STX7: variants seen among roughly 807,000 people sequenced by gnomAD.
STX7 encodes syntaxin 7.
Under a neutral mutation model 39.6 loss-of-function variants are expected in STX7, and 34 were observed. The ratio of observed to expected loss-of-function variants is 0.86; its 90% CI spans 0.65 to 1.14. The LOEUF (loss-of-function observed/expected upper bound fraction) is 1.14, where lower values mean the gene tolerates loss of function less well. Among genes scored for constraint, STX7 ranks in the 50% most tolerant of loss-of-function variants. STX7 has a pLI of 0.00. For missense variants in STX7, 284 were observed against 310.4 expected, an observed-to-expected ratio of 0.92 and a Z score of 0.64; for synonymous variants, 119 against 99.1, an observed-to-expected ratio of 1.20 and a Z score of -1.19.
chr6:132,484,667 G>T (rs1312637340), intron 2 of STX7, among the ~76,000 whole-genome samples: 1 of 152,068 alleles, frequency 6.6e-6, no homozygotes, highest in Non-Finnish European at 1.5e-5. Flanking sequence ...AAAAATAATG[G>T]TTAGTAAAAT....
intron 9 of STX7, among the ~76,000 whole-genome samples, chr6:132,462,498 C>G (rs1354558262): frequency 6.6e-6 from 1 of 151,712 alleles, no homozygotes; most frequent in Admixed American, 6.6e-5. Flanking sequence ...AATAAAATAC[C>G]ATGTGAACCT....
At chr6:132,494,998 C>T (rs1300784582) in intron 2 of STX7, among the ~76,000 whole-genome samples, 1 of 152,110 alleles carries the variant, frequency 6.6e-6, no homozygotes. Context: ...CCGGTAGAAC[C>T]ACTAAGATTT....
intron 2 of STX7, among the ~76,000 whole-genome samples, chr6:132,491,623 A>T (rs1321012402): frequency 1.3e-5 from 2 of 152,062 alleles, no homozygotes; most frequent in Non-Finnish European, 2.9e-5. Flanking sequence ...CGATCCTTCC[A>T]CCATCCTGCT....
At chr6:132,495,824 GGAC>G (rs1775408998) in intron 2 of STX7, among the ~76,000 whole-genome samples, 1 of 152,120 alleles carries the variant, frequency 6.6e-6, no homozygotes, top group East Asian at 1.9e-4. Context: ...AACCTTATGG[GGAC>G]AGGAGCCATG....
At chr6:132,487,081 A>G (rs1562332434) in intron 2 of STX7, among the ~76,000 whole-genome samples, 1 of 152,196 alleles carries the variant, frequency 6.6e-6, no homozygotes, top group Non-Finnish European at 1.5e-5. Context: ...TTAGTTAAAT[A>G]TTTGATAGAT....
Position 132,472,349 on chromosome 6 carries a change from T to C in STX7, c.182A>G (p.Gln61Arg). The C allele has an allele frequency of 6.2e-7, 1 of 1,613,584 alleles. No individual in the cohort carries two copies. Residue 61 changes from glutamine to arginine, a missense_variant, in exon 4 of 10, where the codon CAG becomes CGG. Physicochemically the swap from Gln to Arg is conservative, Grantham distance 43 (BLOSUM62 1). Coordinates refer to ENST00000367941, the MANE Select transcript of STX7 (RefSeq NM_003569.3). ...QLQQKQQYTN[Q>R]LAKETDKYIK... is the part of the protein sequence containing the mutation. ...GTACTTATCTGTTTCTTTGGCAAGC[T>C]GGTTAGTATACTGCTGCTTCTGTTG...
rs576572640 is a variant in STX7, at chr6:132,466,127, T to C, written c.611-2052A>G. Among the ~76,000 whole-genome samples, 96 of 152,368 alleles carry C rather than the reference T, an allele frequency of 6.3e-4. 1 individual carries two copies. The highest frequency in any genetic ancestry group is 2.3e-3 in the African/African-American group (95 of 41,594). On this transcript the variant is annotated intron_variant, in intron 8 of 9. Transcript: ENST00000367941. ...TTCTCTCTTGAGCCTACTTTTATCA[T>C]GCTTTCACCTACACTATTTCACCAA... is the stretch of plus-strand genomic sequence containing the variant.
chr6:132,477,303 G>T (rs571561701), intron 2 of STX7, among the ~76,000 whole-genome samples: 3 of 152,016 alleles, frequency 2.0e-5, no homozygotes, highest in African/African-American at 7.2e-5. Context: ...GCCTTATAGG[G>T]GCTTTATTTT....
At chr6:132,488,961 G>A (rs1394395044) in intron 2 of STX7, among the ~76,000 whole-genome samples, 1 of 152,144 alleles carries the variant, frequency 6.6e-6, no homozygotes, top group African/African-American at 2.4e-5. Flanking sequence ...CAGCACTTTG[G>A]GAGGCCAAGG....
intron 2 of STX7, among the ~76,000 whole-genome samples, chr6:132,497,106 A>G: frequency 6.6e-6 from 1 of 152,194 alleles, no homozygotes. Flanking sequence ...TACATGCACC[A>G]AAAGAACATA....
chr6:132,468,174 G>A (rs1230764030), intron 8 of STX7, among the ~76,000 whole-genome samples: 1 of 152,116 alleles, frequency 6.6e-6, no homozygotes, highest in East Asian at 1.9e-4. Context: ...GATTAAATTT[G>A]GGCTTCTGAA....
At position 132,452,099 on chromosome 6, in the gene STX7, A is replaced by G. The variant is rs938148958; in HGVS notation, c.*8659T>C. ...TGGCTCAACATTCAAAAATCAATCA[A>G]TGTATCTACCACATGAATGGGCTAA... On this transcript the variant is annotated 3_prime_UTR_variant, in exon 10 of 10. Coordinates refer to ENST00000367941, the MANE Select transcript of STX7 (RefSeq NM_003569.3). The G allele has an allele frequency of 2.0e-5, 3 of 152,214 alleles. No homozygotes were observed. The highest frequency in any genetic ancestry group is 4.4e-5 in the Non-Finnish European group (3 of 68,032). The allele number at this position is 152,214 out of a possible 1,614,324, so 9.4% of individuals were successfully genotyped here.
intron 2 of STX7, among the ~76,000 whole-genome samples, chr6:132,488,266 T>C (rs1437825907): frequency 6.6e-6 from 1 of 152,218 alleles, no homozygotes; most frequent in African/African-American, 2.4e-5. Context: ...GACTTGAATC[T>C]TTTAAAGTTT....
rs575476663 is a variant in STX7, at chr6:132,449,536, C to T, written c.*11222G>A. On this transcript the variant is annotated 3_prime_UTR_variant, in exon 10 of 10. Coordinates refer to ENST00000367941, the MANE Select transcript of STX7 (RefSeq NM_003569.3). ...CACATATTAAACCTTCCCATTCTAT[C>T]CTTCAGGTCTCATAATCTCTAATTC... is the stretch of plus-strand genomic sequence containing the variant. The T allele has an allele frequency of 6.6e-6, 1 of 152,210 alleles. No individual in the cohort carries two copies. Among genetic ancestry groups the T allele is most frequent in the South Asian group, 2.1e-4 (1 of 4,820 alleles). The allele number at this position is 152,210 out of a possible 1,614,324, so 9.4% of individuals were successfully genotyped here. A position where few individuals can be genotyped will look rare whatever the true frequency, so the allele number is the denominator to read the frequency against.
chr6:132,484,212 C>T (rs571257066), intron 2 of STX7, among the ~76,000 whole-genome samples: 4 of 152,238 alleles, frequency 2.6e-5, no homozygotes, highest in Non-Finnish European at 5.9e-5. Context: ...TTACATTTTT[C>T]ATAACAGAAA....
chr6:132,508,680 T>C (rs1464902640), intron 1 of STX7, among the ~76,000 whole-genome samples: 1 of 152,040 alleles, frequency 6.6e-6, no homozygotes, highest in Non-Finnish European at 1.5e-5. Context: ...CCACTAATTT[T>C]TTGATTTTTT....
intron 9 of STX7, among the ~76,000 whole-genome samples, chr6:132,463,086 G>C (rs1774454680): frequency 6.6e-6 from 1 of 151,984 alleles, no homozygotes; most frequent in Non-Finnish European, 1.5e-5. Context: ...GCCAGGCGTG[G>C]GGGTACACAC....
At chr6:132,464,991 T>C (rs1774526134) in intron 8 of STX7, among the ~76,000 whole-genome samples, 1 of 152,170 alleles carries the variant, frequency 6.6e-6, no homozygotes. Flanking sequence ...CAGCCAACTC[T>C]CTTTGTTGCA....
At chr6:132,496,201 A>G (rs1029857093) in intron 2 of STX7, among the ~76,000 whole-genome samples, 9 of 152,060 alleles carry the variant, frequency 5.9e-5, no homozygotes, top group African/African-American at 2.2e-4. Flanking sequence ...TGTTTCCAAT[A>G]TATCTGTTTT....
Sources: gnomAD v4.1 joint callset for allele counts (sites outside exome capture counted in the v4.1 genomes callset) on GRCh38, gnomAD v4.1.1 for gene constraint, MANE v1.5 for transcripts, NCBI Gene and HGNC (gene_info 2026-07-23, HGNC 2026-07-21) for gene names.